Variants in BAG6 observed in about 807,000 individuals in gnomAD.
BAG6 encodes the protein large proline-rich protein BAG6.
In BAG6, 22 loss-of-function variants were observed where a neutral mutation model predicts 121.0. That is an observed-to-expected ratio of 0.18 (90% CI 0.13 to 0.26). The LOEUF (loss-of-function observed/expected upper bound fraction) is 0.26, where lower values mean the gene tolerates loss of function less well. Ranked by LOEUF, BAG6 falls within the 10% of genes least tolerant of loss-of-function variation. The probability of loss-of-function intolerance (pLI) is 1.00; values close to 1 mark genes in which losing one functional copy is unlikely to be tolerated. For synonymous variants in BAG6, 583 were observed against 584.6 expected, an observed-to-expected ratio of 1.00 and a Z score of 0.04; for missense variants, 1,233 against 1,537.7, an observed-to-expected ratio of 0.80 and a Z score of 3.31.
Position 31,644,272 on chromosome 6 carries a change from C to CGTAGGGG in BAG6, c.1555+34_1555+35insCCCCTAC. 4 of 1,556,520 alleles carry CGTAGGGG rather than the reference C, an allele frequency of 2.6e-6. No individual in the cohort carries two copies. The highest frequency in any genetic ancestry group is 2.6e-6 in the Non-Finnish European group (3 of 1,149,728). On this transcript the variant is annotated intron_variant, in intron 12 of 25. Transcript: ENST00000676615. The surrounding 1 kb of genome is among the most constrained non-coding windows in gnomAD (Gnocchi z 4.9). Reference sequence around the variant, plus strand: ...CAGCCAGCTGCCACCATGGACTGTGCCCTACCTCCCAAGCCTCCCCTTCCA... The same window carrying CGTAGGGG: ...CAGCCAGCTGCCACCATGGACTGTGCGTAGGGGCCTACCTCCCAAGCCTCCCCTTCCA...
rs1785851610 is a variant in BAG6 at position 31,643,983 on chromosome 6, TAG to T, written c.1669-8_1669-7del. On this transcript the variant is annotated splice_polypyrimidine_tract_variant and splice_region_variant and intron_variant, in intron 13 of 25. Coordinates refer to ENST00000676615, the MANE Select transcript of BAG6 (RefSeq NM_001387994.1). The stretch of plus-strand genomic sequence containing the variant: ...GTACCCAGACCGGCGCCCTGCTGGA[TAG>T]AGAGCAAGGGAGAATTTCAGACCTG... The T allele has an allele frequency of 6.2e-7, 1 of 1,613,912 alleles. No homozygotes were observed. Among genetic ancestry groups the T allele is most frequent in the Non-Finnish European group, 8.5e-7 (1 of 1,179,984 alleles).
chr6:31,651,967 G>A (rs1409477978), intron 1 of BAG6, 191 bp from the exon 2 acceptor site: 2 of 531,222 alleles, frequency 3.8e-6, no homozygotes, highest in Non-Finnish European at 6.8e-6. Context: ...GAGATCGACG[G>A]CTTAGGGAGC....
Position 31,642,142 on chromosome 6 carries a change from T to C in BAG6, c.2305A>G (p.Ile769Val). 6.2e-7 allele frequency: 1 copy of C among 1,612,812 alleles called. No individual in the cohort carries two copies. The highest frequency in any genetic ancestry group is 8.5e-7 in the Non-Finnish European group (1 of 1,179,916). ...FIQRLSGSSN[I>V]FEPGADGALG... The stretch of plus-strand genomic sequence containing the variant: ...GCCCCATCAGCTCCAGGCTCAAAGA[T>C]GTTGCTGGATCCACTGAGGCGTTGT... Residue 769 changes from isoleucine to valine, a missense_variant, in exon 16 of 26, where the codon ATC becomes GTC. Around this residue, in one of 7 missense-constraint regions of BAG6, gnomAD observed 288 missense variants for 483.1 expected, o/e 0.60. Coordinates refer to ENST00000676615, the MANE Select transcript of BAG6 (RefSeq NM_001387994.1).
At chr6:31,646,766 GTTTTTTTTTTTTT>G (rs66820473) in intron 7 of BAG6, among the ~76,000 whole-genome samples, 2,144 of 60,862 alleles carry the variant, frequency 0.035, 66 homozygotes, top group Admixed American at 0.11. Context: ...GCTAATTTTT[GTTTTTTTTTTTTT>G]TTTTTTTTTT....
rs927910097 is a variant in BAG6 at position 31,644,626 on chromosome 6, G to A, written c.1370-24C>T. The A allele has an allele frequency of 1.2e-6, 2 of 1,610,118 alleles. No individual in the cohort carries two copies. Among genetic ancestry groups the A allele is most frequent in the South Asian group, 1.1e-5 (1 of 90,720 alleles). ...ATCTGGGCAGGGAGACAGAGACAGTGGCCCTGAGGTAGGTAGGGCCAAGGC... is the reference window on the plus strand; with the variant it reads ...ATCTGGGCAGGGAGACAGAGACAGTAGCCCTGAGGTAGGTAGGGCCAAGGC... On this transcript the variant is annotated intron_variant, in intron 10 of 25. Coordinates refer to ENST00000676615, the MANE Select transcript of BAG6 (RefSeq NM_001387994.1). The surrounding 1 kb of genome is among the most constrained non-coding windows in gnomAD (Gnocchi z 4.9).
chr6:31,647,492 C>T (rs1351501791), intron 7 of BAG6, 99 bp downstream of exon 7: 27 of 1,559,424 alleles, frequency 1.7e-5, no homozygotes, highest in Non-Finnish European at 2.3e-5. Flanking sequence ...CAACTAAGAC[C>T]TCCAAGTAAT....
Position 31,645,451 on chromosome 6 carries a change from AGT to A in BAG6, c.1070_1071del (p.His357LeufsTer62), listed in dbSNP as rs768897422. ...RHLHVVRPMS[H>X]YTTPMVLQQA... ...TGCTGGAGCACCATGGGGGTGGTGT[AGT>A]GAGACATAGGCCGGACCACATGCAG... On this transcript the variant is annotated frameshift_variant, in exon 9 of 26. Transcript: ENST00000676615. LOFTEE classifies it high-confidence loss of function. The A allele has an allele frequency of 6.2e-7, 1 of 1,613,058 alleles. No individual in the cohort carries two copies. The highest frequency in any genetic ancestry group is 1.7e-5 in the Admixed American group (1 of 60,026).
rs1489649076 is a variant in BAG6 at position 31,640,007 on chromosome 6, C to CAGACTAAGGT, written c.3246+182_3246+191dup. ...CAACTAATACAGGACTGCTAGCAAACAGACTAAGGTCAAGTCCTGTATGGT... is the reference window on the plus strand; with the variant it reads ...CAACTAATACAGGACTGCTAGCAAACAGACTAAGGTAGACTAAGGTCAAGTCCTGTATGGT... On this transcript the variant is annotated intron_variant, in intron 24 of 25. Transcript: ENST00000676615. The surrounding 1 kb of genome is among the most constrained non-coding windows in gnomAD (Gnocchi z 4.2). Among the ~76,000 whole-genome samples the CAGACTAAGGT allele has an allele frequency of 6.6e-6, 1 of 152,188 alleles. No individual in the cohort carries two copies. The highest frequency in any genetic ancestry group is 1.5e-5 in the Non-Finnish European group (1 of 68,034).
intron 14 of BAG6, 122 bp from the exon 15 acceptor site, chr6:31,643,237 A>C: frequency 1.1e-6 from 1 of 940,640 alleles, no homozygotes; most frequent in Non-Finnish European, 1.6e-6. Context: ...CCACATAGCA[A>C]GACCCCATCT....
Position 31,644,580 on chromosome 6 carries a change from A to T in BAG6, c.1392T>A (p.Gly464=). The T allele has an allele frequency of 2.5e-6, 4 of 1,612,638 alleles. No homozygotes were observed. The highest frequency in any genetic ancestry group is 3.4e-6 in the Non-Finnish European group (4 of 1,179,886). The change falls in exon 11 of 26, where the codon GGT becomes GGA. Residue 464 remains glycine, a synonymous_variant. Transcript: ENST00000676615. The surrounding 1 kb of genome is among the most constrained non-coding windows in gnomAD (Gnocchi z 4.9). ...NIQDSGTQPG[G]VPSAPTGPLG... ...GGGGGCCAGTGGGAGCACTCGGAAC[A>T]CCACCAGGCTGTGTGCCAGAATCTG...
chr6:31,643,147 G>A, intron 14 of BAG6, 32 bp from the exon 15 acceptor site: 1 of 1,525,800 alleles, frequency 6.6e-7, no homozygotes, highest in East Asian at 2.4e-5. Flanking sequence ...AAGCTGGGCT[G>A]AGCATGGTGG....
rs1181652683 is a variant in BAG6 at position 31,644,051 on chromosome 6, T to C, written c.1668+31A>G. ...CCACAGGAGTCTCTCCCTAGACTGT[T>C]ACGCACTAGAACTCCCCGACCCTTG... On this transcript the variant is annotated intron_variant, in intron 13 of 25. Coordinates refer to ENST00000676615, the MANE Select transcript of BAG6 (RefSeq NM_001387994.1). This position sits in a 1 kb window ranked among gnomAD's most constrained non-coding sequence, Gnocchi z 4.9. 1.2e-6 allele frequency: 2 copies of C among 1,612,920 alleles called. No individual in the cohort carries two copies. Among genetic ancestry groups the C allele is most frequent in the South Asian group, 2.2e-5 (2 of 91,002 alleles).
chr6:31,643,610 G>A (rs1785190832), intron 14 of BAG6, among the ~76,000 whole-genome samples: 1 of 149,600 alleles, frequency 6.7e-6, no homozygotes, highest in Non-Finnish European at 1.5e-5. Context: ...TGTAGTCCCA[G>A]CTACTCAGGA....
intron 24 of BAG6, 160 bp from the exon 25 acceptor site, chr6:31,639,806 C>A: frequency 1.1e-6 from 1 of 908,328 alleles, no homozygotes; most frequent in Non-Finnish European, 1.6e-6. Context: ...AGCAGAAATG[C>A]CTTCCTAATT....
chr6:31,651,768 G>C lies in BAG6; in HGVS notation c.-5C>G. 6.2e-7 allele frequency: 1 copy of C among 1,612,246 alleles called. No homozygotes were observed. The highest frequency in any genetic ancestry group is 8.5e-7 in the Non-Finnish European group (1 of 1,179,342). Reference sequence around the variant, plus strand: ...GGTACTATCATTAGGCTCCATGGCCGACAGGTCTCTAAAGAAGAACGAAGG... The same window carrying C: ...GGTACTATCATTAGGCTCCATGGCCCACAGGTCTCTAAAGAAGAACGAAGG... On this transcript the variant is annotated 5_prime_UTR_variant, in exon 2 of 26. Coordinates refer to ENST00000676615, the MANE Select transcript of BAG6 (RefSeq NM_001387994.1).
Position 31,644,720 on chromosome 6 carries a change from C to CAA in BAG6, c.1370-119_1370-118insTT. On this transcript the variant is annotated intron_variant, in intron 10 of 25. Coordinates refer to ENST00000676615, the MANE Select transcript of BAG6 (RefSeq NM_001387994.1). The surrounding 1 kb of genome is among the most constrained non-coding windows in gnomAD (Gnocchi z 4.9). ...TCCCCCAATCAGAAAGCCTGCCTTT[C>CAA]CCTCCATCTAAACAGGGAGAGGTAC... 2.3e-6 allele frequency: 3 copies of CAA among 1,298,418 alleles called. No homozygotes were observed. The highest frequency in any genetic ancestry group is 3.3e-6 in the Non-Finnish European group (3 of 907,538). 80.4% of individuals were successfully genotyped at this position (1,298,418 alleles called of 1,614,324 possible). A position where few individuals can be genotyped will look rare whatever the true frequency, so the allele number is the denominator to read the frequency against.
rs1165984037 is a variant in BAG6 at position 31,641,755 on chromosome 6, G to C, written c.2505+21C>G. 9 of 1,612,498 alleles carry C rather than the reference G, an allele frequency of 5.6e-6. No homozygotes were observed. The highest frequency in any genetic ancestry group is 1.7e-6 in the Non-Finnish European group (2 of 1,179,506). Reference sequence around the variant, plus strand: ...AAATGTGCAAAAGAGGAGAGTTCTGGGGCCCCTGGCCTTCATTTACCCGGA... The same window carrying C: ...AAATGTGCAAAAGAGGAGAGTTCTGCGGCCCCTGGCCTTCATTTACCCGGA... On this transcript the variant is annotated intron_variant, in intron 17 of 25. Transcript: ENST00000676615. The surrounding 1 kb of genome is among the most constrained non-coding windows in gnomAD (Gnocchi z 5.7).
At chr6:31,642,017 C>A in intron 16 of BAG6, 72 bp from the exon 17 acceptor site, 1 of 1,595,984 alleles carries the variant, frequency 6.3e-7, no homozygotes, top group Non-Finnish European at 8.5e-7. Flanking sequence ...AGATCATCAA[C>A]CTCATCCCAC....
In BAG6 at chr6:31,644,384, G is replaced by A; in HGVS notation, c.1478C>T (p.Pro493Leu). Residue 493 changes from proline (P) to leucine (L), a missense_variant, in exon 12 of 26, where the codon CCC becomes CTC. Transcript: ENST00000676615. This position sits in a 1 kb window ranked among gnomAD's most constrained non-coding sequence, Gnocchi z 4.9. Reference protein sequence around the residue: ...GSTLIQLPSLPPEFMHAVAHQ... With the variant: ...GSTLIQLPSLLPEFMHAVAHQ... The stretch of plus-strand genomic sequence containing the variant: ...GGCGACGGCGTGCATGAACTCAGGG[G>A]GCAGGGAGGGCAGCTGGATGAGGGT... 4.5e-6 allele frequency: 7 copies of A among 1,551,736 alleles called. No individual in the cohort carries two copies. The highest frequency in any genetic ancestry group is 6.1e-6 in the Non-Finnish European group (7 of 1,147,472).
Sources: allele counts gnomAD v4.1 joint callset (sites outside exome capture counted in the v4.1 genomes callset), GRCh38; gene constraint gnomAD v4.1.1; regional missense constraint gnomAD v4.1.1; non-coding constraint Gnocchi (gnomAD v3.1); transcripts MANE v1.5; gene names NCBI Gene and HGNC (gene_info 2026-07-23, HGNC 2026-07-21).